The following PHYHIPL variants were observed in gnomAD, a reference collection of about 807,000 sequenced individuals.
PHYHIPL encodes phytanoyl-CoA hydroxylase-interacting protein-like.
Under a neutral mutation model 33.4 loss-of-function variants are expected in PHYHIPL, and 9 were observed. The observed-to-expected ratio is 0.27, with a 90% CI of 0.16 to 0.47. The LOEUF (loss-of-function observed/expected upper bound fraction) is 0.47. Among genes scored for constraint, PHYHIPL ranks in the 20% least tolerant of loss-of-function variants. The pLI is 0.99. For missense variants in PHYHIPL, 365 were observed against 460.7 expected (o/e 0.79, Z 1.90); for synonymous variants, 153 against 154.1 (o/e 0.99, Z 0.05).
chr10:59,185,323 C>T (rs1407233443), intron 1 of PHYHIPL, among the ~76,000 whole-genome samples: 9 of 152,174 alleles, frequency 5.9e-5, no homozygotes, highest in Admixed American at 5.2e-4. Flanking sequence ...CATAGTATTC[C>T]ATGGTGTATA....
chr10:59,178,468 G>C (rs1320831488), intron 1 of PHYHIPL, among the ~76,000 whole-genome samples: 1 of 152,088 alleles, frequency 6.6e-6, no homozygotes, highest in Non-Finnish European at 1.5e-5. Flanking sequence ...TTGGATTTTA[G>C]TTTAGACTTT....
intron 1 of PHYHIPL, among the ~76,000 whole-genome samples, chr10:59,180,866 A>G (rs1838397441): frequency 6.6e-6 from 1 of 152,174 alleles, no homozygotes; most frequent in Non-Finnish European, 1.5e-5. Flanking sequence ...ATGTTAGATA[A>G]TCCGTAATGG....
intron 2 of PHYHIPL, among the ~76,000 whole-genome samples, chr10:59,235,242 AATT>A (rs1192949744): frequency 2.0e-5 from 3 of 151,674 alleles, no homozygotes; most frequent in Non-Finnish European, 4.4e-5. Context: ...TGAGAATGAA[AATT>A]ATTAACTTTT....
At chr10:59,189,652 G>A (rs1295342339) in intron 1 of PHYHIPL, among the ~76,000 whole-genome samples, 1 of 151,808 alleles carries the variant, frequency 6.6e-6, no homozygotes. Context: ...AAAGGATTTA[G>A]GAAGACAATT....
At chr10:59,226,314 A>G (rs946141335) in intron 1 of PHYHIPL, among the ~76,000 whole-genome samples, 1 of 152,188 alleles carries the variant, frequency 6.6e-6, no homozygotes, top group Admixed American at 6.5e-5. Context: ...GATGATATAC[A>G]TGGAGGACAG....
rs201010441 is a variant in PHYHIPL at position 59,202,178 on chromosome 10, G to T, written c.106+25219G>T. Among the ~76,000 whole-genome samples, 23 of 152,104 alleles carry T rather than the reference G, an allele frequency of 1.5e-4. No homozygotes were observed. The East Asian group carries it at 4.1e-3, about 27-fold the overall frequency. ...GATGAAAATATGCCAGGTCTTGAAGGACTAGTTTAAAATATTATCCCAAAG... is the reference window on the plus strand; with the variant it reads ...GATGAAAATATGCCAGGTCTTGAAGTACTAGTTTAAAATATTATCCCAAAG... On this transcript the variant is annotated intron_variant, in intron 1 of 4. Transcript: ENST00000373880.
Position 59,180,314 on chromosome 10 carries a change from G to GTATATATA in PHYHIPL, c.106+3396_106+3403dup, listed in dbSNP as rs35898292. Among the ~76,000 whole-genome samples the GTATATATA allele has an allele frequency of 8.7e-4, 75 of 86,122 alleles. 2 individuals carry two copies. Among genetic ancestry groups the GTATATATA allele is most frequent in the Non-Finnish European group, 1.2e-3 (54 of 44,340 alleles). 56.5% of individuals were successfully genotyped at this position (86,122 alleles called of 152,430 possible). On this transcript the variant is annotated intron_variant, in intron 1 of 4. Coordinates refer to ENST00000373880, the MANE Select transcript of PHYHIPL (RefSeq NM_032439.4). ...TATATAATATATATATATAGAAAAA[G>GTATATATA]TATATATATATATATATATATATAT...
Position 59,201,219 on chromosome 10 carries a change from A to G in PHYHIPL, c.106+24260A>G, listed in dbSNP as rs181090016. ...TAGTGCTATAAATTTCCCTCTACAC[A>G]ATGCTTTGAATGTGTCCCAGAGATT... On this transcript the variant is annotated intron_variant, in intron 1 of 4. Transcript: ENST00000373880. Among the ~76,000 whole-genome samples the G allele has an allele frequency of 4.1e-3, 620 of 152,234 alleles. 6 individuals are homozygous for G. Among genetic ancestry groups the G allele is most frequent in the Admixed American group, 0.017 (259 of 15,296 alleles).
chr10:59,223,541 T>TTAAATC (rs1839837023), intron 1 of PHYHIPL, among the ~76,000 whole-genome samples: 1 of 152,206 alleles, frequency 6.6e-6, no homozygotes, highest in South Asian at 2.1e-4. Flanking sequence ...TGTAGTGGTC[T>TTAAATC]TAAATCTGTA....
rs1207838259 is a variant in PHYHIPL, at chr10:59,246,590, C to T, written c.*999C>T. ...ATAAACATGTTTTCGTATAAAATAA[C>T]ACAAAATGATATACACTGAAGTTGA... is the stretch of plus-strand genomic sequence containing the variant. On this transcript the variant is annotated 3_prime_UTR_variant, in exon 5 of 5. Transcript: ENST00000373880. The T allele has an allele frequency of 5.0e-6, 2 of 397,254 alleles. No individual in the cohort carries two copies. Among genetic ancestry groups the T allele is most frequent in the Non-Finnish European group, 8.9e-6 (2 of 224,980 alleles). 24.6% of individuals were successfully genotyped at this position (397,254 alleles called of 1,614,324 possible).
At position 59,234,515 on chromosome 10, in the gene PHYHIPL, A is replaced by T; in HGVS notation, c.303+15A>T. The T allele has an allele frequency of 6.7e-7, 1 of 1,499,566 alleles. No individual in the cohort carries two copies. The highest frequency in any genetic ancestry group is 8.9e-7 in the Non-Finnish European group (1 of 1,123,540). The allele number at this position is 1,499,566 out of a possible 1,614,324, so 92.9% of individuals were successfully genotyped here. On this transcript the variant is annotated intron_variant, in intron 2 of 4. Transcript: ENST00000373880. ...TTAAACACAAGGTAAAATCTAACAA[A>T]TACTCATGCTAATTTGCATCTTAAA...
chr10:59,185,568 T>G (rs1838570105), intron 1 of PHYHIPL, among the ~76,000 whole-genome samples: 1 of 152,204 alleles, frequency 6.6e-6, no homozygotes, highest in South Asian at 2.1e-4. Flanking sequence ...TGAACTAGTT[T>G]ACAGTCCCAG....
At chr10:59,211,759 G>C (rs1235712290) in intron 1 of PHYHIPL, among the ~76,000 whole-genome samples, 1 of 149,066 alleles carries the variant, frequency 6.7e-6, no homozygotes, top group Non-Finnish European at 1.5e-5. Flanking sequence ...CACAGCATCT[G>C]AATAAACTGA....
chr10:59,247,314 T>C lies in PHYHIPL; in HGVS notation c.*1723T>C. On this transcript the variant is annotated 3_prime_UTR_variant, in exon 5 of 5. Coordinates refer to ENST00000373880, the MANE Select transcript of PHYHIPL (RefSeq NM_032439.4). ...CTAACAAGTGTCCTAGCTATGTTAT[T>C]TAGATTTGATAAAATATTAGACATT... 1 of 312,100 alleles carries C rather than the reference T, an allele frequency of 3.2e-6. No individual in the cohort carries two copies. Among genetic ancestry groups the C allele is most frequent in the South Asian group, 4.0e-5 (1 of 25,100 alleles). The allele number at this position is 312,100 out of a possible 1,614,324, so 19.3% of individuals were successfully genotyped here. A position where few individuals can be genotyped will look rare whatever the true frequency, so the allele number is the denominator to read the frequency against.
chr10:59,195,121 A>T (rs892961291), intron 1 of PHYHIPL, among the ~76,000 whole-genome samples: 1 of 152,218 alleles, frequency 6.6e-6, no homozygotes, highest in Non-Finnish European at 1.5e-5. Flanking sequence ...ATGTTATTAT[A>T]TTAATTATGT....
intron 1 of PHYHIPL, among the ~76,000 whole-genome samples, chr10:59,209,581 T>G (rs1589276424): frequency 6.6e-6 from 1 of 152,058 alleles, no homozygotes; most frequent in East Asian, 1.9e-4. Flanking sequence ...CATAACAATA[T>G]TAACCTTAAA....
At chr10:59,174,407 AG>A (rs1013826111), upstream of PHYHIPL, among the ~76,000 whole-genome samples, 1 of 152,224 alleles carries the variant, frequency 6.6e-6, no homozygotes, top group Non-Finnish European at 1.5e-5. Context: ...TTGGTCCACC[AG>A]GCCTAGCCTT....
chr10:59,212,139 C>A (rs1387991755), intron 1 of PHYHIPL, among the ~76,000 whole-genome samples: 1 of 152,104 alleles, frequency 6.6e-6, no homozygotes, highest in East Asian at 1.9e-4. Flanking sequence ...ATGTGATGCC[C>A]TGCACTGGTG....
chr10:59,196,720 T>A (rs1430331641), intron 1 of PHYHIPL, among the ~76,000 whole-genome samples: 1 of 152,092 alleles, frequency 6.6e-6, no homozygotes, highest in Non-Finnish European at 1.5e-5. Flanking sequence ...CCCGGCCAAG[T>A]ACACTGTCAA....
Sources: allele counts gnomAD v4.1 joint callset (sites outside exome capture counted in the v4.1 genomes callset), GRCh38; gene constraint gnomAD v4.1.1; transcripts MANE v1.5; gene names NCBI Gene and HGNC (gene_info 2026-07-23, HGNC 2026-07-21).